The following SPHKAP variants were observed in gnomAD, a reference collection of about 807,000 sequenced individuals.
SPHKAP encodes the protein SPHK1 interactor, AKAP domain containing.
In SPHKAP, 67 loss-of-function variants were observed where a neutral mutation model predicts 137.5. The observed-to-expected ratio is 0.49, with a 90% CI of 0.40 to 0.60. SPHKAP has a LOEUF of 0.60. SPHKAP is among the 20% of genes least tolerant of loss of function. The pLI is 0.00. For missense variants in SPHKAP, 2,097 were observed against 2,069.3 expected (o/e 1.01, Z -0.26); for synonymous variants, 813 against 785.3 (o/e 1.04, Z -0.59).
At chr2:228,002,683 G>T (rs1693955067) in intron 7 of SPHKAP, among the ~76,000 whole-genome samples, 1 of 152,160 alleles carries the variant, frequency 6.6e-6, no homozygotes, top group Non-Finnish European at 1.5e-5. Flanking sequence ...TTTTCTTCTA[G>T]GGTTTCTATG....
chr2:228,056,281 A>T (rs1306110049), intron 3 of SPHKAP, among the ~76,000 whole-genome samples: 1 of 152,222 alleles, frequency 6.6e-6, no homozygotes, highest in Non-Finnish European at 1.5e-5. Flanking sequence ...TATCAAAGTC[A>T]TGGCACCCTG....
In SPHKAP at chr2:228,016,474, C is replaced by G. The variant is rs142701018; in HGVS notation, c.4380G>C (p.Ser1460=). 10 of 1,612,578 alleles carry G rather than the reference C, an allele frequency of 6.2e-6. No individual in the cohort carries two copies. Among genetic ancestry groups the G allele is most frequent in the Non-Finnish European group, 7.6e-6 (9 of 1,179,524 alleles). ...SSLLEEAEGH[S]NDKNIPDVVR... Reference sequence around the variant, plus strand: ...CCACATCTGGGATGTTTTTGTCATTCGAATGCCCTTCTGCTTCCTCTAGGA... The same window carrying G: ...CCACATCTGGGATGTTTTTGTCATTGGAATGCCCTTCTGCTTCCTCTAGGA... The change falls in exon 7 of 12, where the codon TCG becomes TCC. Residue 1460 remains serine (S), a synonymous_variant. Coordinates refer to ENST00000392056, the MANE Select transcript of SPHKAP (RefSeq NM_001142644.2).
chr2:228,034,875 A>G (rs1233606789), intron 3 of SPHKAP, among the ~76,000 whole-genome samples: 122 of 152,024 alleles, frequency 8.0e-4, no homozygotes, highest in Non-Finnish European at 1.0e-3. Context: ...TTGATGGGAC[A>G]TATCTCAAAA....
At chr2:228,139,364 T>C (rs1256021548) in intron 1 of SPHKAP, among the ~76,000 whole-genome samples, 5 of 152,180 alleles carry the variant, frequency 3.3e-5, no homozygotes, top group Admixed American at 6.5e-5. Flanking sequence ...ATAAAATATC[T>C]GGATTATATT....
chr2:228,036,469 G>A (rs1387068111), intron 3 of SPHKAP, among the ~76,000 whole-genome samples: 1 of 152,218 alleles, frequency 6.6e-6, no homozygotes, highest in Non-Finnish European at 1.5e-5. Context: ...GTGGAAGACA[G>A]TGTGTCCATT....
At chr2:228,046,717 A>G (rs1351344103) in intron 3 of SPHKAP, among the ~76,000 whole-genome samples, 1 of 152,174 alleles carries the variant, frequency 6.6e-6, no homozygotes, top group African/African-American at 2.4e-5. Context: ...ATAAAGAAAA[A>G]TTCTTTGTAA....
At chr2:228,167,718 T>C (rs917937312) in intron 1 of SPHKAP, among the ~76,000 whole-genome samples, 2 of 152,188 alleles carry the variant, frequency 1.3e-5, no homozygotes, top group African/African-American at 4.8e-5. Flanking sequence ...TTTACTGAAT[T>C]CTTTTTATGT....
chr2:228,177,824 A>C (rs1700785801), intron 1 of SPHKAP, among the ~76,000 whole-genome samples: 1 of 152,186 alleles, frequency 6.6e-6, no homozygotes, highest in African/African-American at 2.4e-5. Flanking sequence ...GGAGAAAATC[A>C]ATCTAGTTTT....
chr2:227,983,508 C>A (rs1450776382), intron 11 of SPHKAP, among the ~76,000 whole-genome samples: 2 of 152,158 alleles, frequency 1.3e-5, no homozygotes, highest in Non-Finnish European at 2.9e-5. Flanking sequence ...AGAAGGACAT[C>A]TTAGCCATCT....
chr2:228,049,695 A>G (rs1241553073), intron 3 of SPHKAP, among the ~76,000 whole-genome samples: 2 of 152,124 alleles, frequency 1.3e-5, no homozygotes, highest in Non-Finnish European at 2.9e-5. Context: ...CCCATTTTTT[A>G]TGTCCATATG....
chr2:228,150,918 T>A (rs1311753616), intron 1 of SPHKAP, among the ~76,000 whole-genome samples: 5 of 151,700 alleles, frequency 3.3e-5, no homozygotes. Context: ...CATAGATAGT[T>A]TATTTATTTA....
intron 4 of SPHKAP, among the ~76,000 whole-genome samples, chr2:228,026,219 CT>C (rs1452489914): frequency 6.6e-6 from 1 of 152,158 alleles, no homozygotes; most frequent in African/African-American, 2.4e-5. Flanking sequence ...CAATAAACCT[CT>C]TTCTTATGTA....
At chr2:228,051,321 T>G (rs1302463211) in intron 3 of SPHKAP, among the ~76,000 whole-genome samples, 1 of 152,236 alleles carries the variant, frequency 6.6e-6, no homozygotes, top group Non-Finnish European at 1.5e-5. Context: ...ATTCATTCTT[T>G]TCTATATCCA....
At chr2:228,034,095 G>GT (rs1187699546) in intron 3 of SPHKAP, among the ~76,000 whole-genome samples, 1 of 152,090 alleles carries the variant, frequency 6.6e-6, no homozygotes, top group Admixed American at 6.6e-5. Flanking sequence ...CCAGGAGCTG[G>GT]TTTTTTGAAA....
At chr2:228,012,108 C>A (rs910288356) in intron 7 of SPHKAP, among the ~76,000 whole-genome samples, 3 of 134,124 alleles carry the variant, frequency 2.2e-5, no homozygotes, top group African/African-American at 8.5e-5. Flanking sequence ...GTTGGGGCTG[C>A]GGTGAGCCAT....
At chr2:228,154,486 C>CTCTCTCTCTCTCTCTA (rs1700036461) in intron 1 of SPHKAP, among the ~76,000 whole-genome samples, 1 of 22,698 alleles carries the variant, frequency 4.4e-5, no homozygotes, top group African/African-American at 1.7e-4. Context: ...AATAAACTCT[C>CTCTCTCTCTCTCTCTA]TCTCTCTCTC....
chr2:228,135,274 C>CAAAAA (rs11435994), intron 1 of SPHKAP, among the ~76,000 whole-genome samples: 3 of 95,396 alleles, frequency 3.1e-5, no homozygotes, highest in East Asian at 3.1e-4. Context: ...AACTCTGTCT[C>CAAAAA]AAAAAAAAAA....
intron 1 of SPHKAP, among the ~76,000 whole-genome samples, chr2:228,158,174 A>G (rs1490542047): frequency 6.6e-6 from 1 of 152,214 alleles, no homozygotes; most frequent in African/African-American, 2.4e-5. Flanking sequence ...ATTCTGTTCA[A>G]TGTTGACCAT....
chr2:227,997,261 A>G (rs1408586940), intron 7 of SPHKAP, among the ~76,000 whole-genome samples: 1 of 152,154 alleles, frequency 6.6e-6, no homozygotes, highest in Non-Finnish European at 1.5e-5. Flanking sequence ...ACTGTTTTTC[A>G]AAACTGCAGG....
Sources: allele counts gnomAD v4.1 joint callset (sites outside exome capture counted in the v4.1 genomes callset), GRCh38; gene constraint gnomAD v4.1.1; transcripts MANE v1.5; gene names NCBI Gene and HGNC (gene_info 2026-07-23, HGNC 2026-07-21).